Variants in STAT1 observed in about 807,000 individuals in gnomAD.
STAT1 encodes signal transducer and activator of transcription 1-alpha/beta.
STAT1 carries 24 observed loss-of-function variants against 111.7 expected under a neutral mutation model. The observed-to-expected ratio is 0.21, with a 90% CI of 0.16 to 0.30. STAT1 has a LOEUF of 0.30. Among genes scored for constraint, STAT1 ranks in the 10% least tolerant of loss-of-function variants. STAT1 has a pLI of 1.00. For missense variants in STAT1, 351 were observed against 911.9 expected (o/e 0.38, Z 7.92); for synonymous variants, 332 against 326.5 (o/e 1.02, Z -0.18).
rs1693178159 is a variant in STAT1 at position 190,989,803 on chromosome 2, A to ACTC, written c.1038-130_1038-129insGAG. The ACTC allele has an allele frequency of 1.5e-6, 1 of 662,452 alleles. No individual in the cohort carries two copies. The highest frequency in any genetic ancestry group is 2.6e-6 in the Non-Finnish European group (1 of 379,140). 41.0% of individuals were successfully genotyped at this position (662,452 alleles called of 1,614,324 possible). A position where few individuals can be genotyped will look rare whatever the true frequency, so the allele number is the denominator to read the frequency against. On this transcript the variant is annotated intron_variant, in intron 11 of 24. Coordinates refer to ENST00000361099, the MANE Select transcript of STAT1 (RefSeq NM_007315.4). The surrounding 1 kb of genome is among the most constrained non-coding windows in gnomAD (Gnocchi z 5.0). ...GTTTTAGGGTATTACCAACAAAAAA[A>ACTC]CTGACAGTTTTGTAGATCTACTTAA...
At position 191,003,641 on chromosome 2, in the gene STAT1, A is replaced by G. The variant is rs1248592981; in HGVS notation, c.373-2478T>C. Among the ~76,000 whole-genome samples the G allele has an allele frequency of 6.6e-6, 1 of 152,174 alleles. No homozygotes were observed. The highest frequency in any genetic ancestry group is 1.5e-5 in the Non-Finnish European group (1 of 68,040). On this transcript the variant is annotated intron_variant, in intron 5 of 24. Coordinates refer to ENST00000361099, the MANE Select transcript of STAT1 (RefSeq NM_007315.4). This position sits in a 1 kb window ranked among gnomAD's most constrained non-coding sequence, Gnocchi z 4.0. The stretch of plus-strand genomic sequence containing the variant: ...CCCTTCACCTGCTGCTATGACTGTA[A>G]GTTTCCTGAGGCCTCCCCAGAAACT...
chr2:190,978,964 C>G lies in STAT1; in HGVS notation c.1765G>C (p.Ala589Pro). 2 of 1,614,188 alleles carry G rather than the reference C, an allele frequency of 1.2e-6. No homozygotes were observed. Among genetic ancestry groups the G allele is most frequent in the Non-Finnish European group, 1.7e-6 (2 of 1,180,048 alleles). Residue 589 changes from alanine (A) to proline (P), a missense_variant, in exon 21 of 25, where the codon GCC becomes CCC. Transcript: ENST00000361099. This position sits in a 1 kb window ranked among gnomAD's most constrained non-coding sequence, Gnocchi z 6.1. Reference sequence around the variant, plus strand: ...CCCGGCTGCTGGTCCTTCAACAGGGCACGCTCTCGCTCCTTGCTGATGAAG... The same window carrying G: ...CCCGGCTGCTGGTCCTTCAACAGGGGACGCTCTCGCTCCTTGCTGATGAAG... ...MGFISKERER[A>P]LLKDQQPGTF...
At position 190,971,076 on chromosome 2, in the gene STAT1, A is replaced by G. The variant is rs552624118; in HGVS notation, c.2239-359T>C. On this transcript the variant is annotated intron_variant, in intron 24 of 24. Transcript: ENST00000361099. The surrounding 1 kb of genome is among the most constrained non-coding windows in gnomAD (Gnocchi z 4.1). ...AAATGCTGAGCCATATGCCAGAGGG[A>G]GAGAGGAAGGAGAGGGAAATGATAC... Among the ~76,000 whole-genome samples the G allele has an allele frequency of 6.6e-6, 1 of 152,192 alleles. No individual in the cohort carries two copies. The highest frequency in any genetic ancestry group is 1.5e-5 in the Non-Finnish European group (1 of 68,032).
Position 190,971,749 on chromosome 2 carries a change from G to C in STAT1, c.2239-1032C>G, listed in dbSNP as rs1444878221. Reference sequence around the variant, plus strand: ...CAAATTGGAGACGGAGTCTTCCTCTGTTGCCCAGACTGGAGTGCAGTGGCA... The same window carrying C: ...CAAATTGGAGACGGAGTCTTCCTCTCTTGCCCAGACTGGAGTGCAGTGGCA... On this transcript the variant is annotated intron_variant, in intron 24 of 24. Transcript: ENST00000361099. This position sits in a 1 kb window ranked among gnomAD's most constrained non-coding sequence, Gnocchi z 4.1. Among the ~76,000 whole-genome samples the C allele has an allele frequency of 2.0e-5, 3 of 149,754 alleles. No individual in the cohort carries two copies. The East Asian group carries it at 5.8e-4, about 29-fold the overall frequency.
At position 190,998,586 on chromosome 2, in the gene STAT1, C is replaced by T. The variant is rs1294261129; in HGVS notation, c.542-278G>A. ...CTGAGGCAGGAGAACAGCATGAACC[C>T]GGGAGGCGGAGCTTGGAGTGAGCCG... On this transcript the variant is annotated intron_variant, in intron 7 of 24. Coordinates refer to ENST00000361099, the MANE Select transcript of STAT1 (RefSeq NM_007315.4). This position sits in a 1 kb window ranked among gnomAD's most constrained non-coding sequence, Gnocchi z 4.1. 5.9e-5 allele frequency among the ~76,000 whole-genome samples: 9 copies of T among 151,366 alleles called. No homozygotes were observed. Among genetic ancestry groups the T allele is most frequent in the East Asian group, 3.9e-4 (2 of 5,134 alleles).
At chr2:191,001,880 A>G (rs1255581490) in intron 5 of STAT1, among the ~76,000 whole-genome samples, 1 of 152,196 alleles carries the variant, frequency 6.6e-6, no homozygotes, top group African/African-American at 2.4e-5. Flanking sequence ...TAGAGTGGTA[A>G]CCAGTGATCC....
rs148054859 is a variant in STAT1 at position 190,977,151 on chromosome 2, T to A, written c.1874-126A>T. Reference sequence around the variant, plus strand: ...ATAAGAACTAATCACAATCTAAGCATTATAACATATACAGTAGACTGCTTT... The same window carrying A: ...ATAAGAACTAATCACAATCTAAGCAATATAACATATACAGTAGACTGCTTT... On this transcript the variant is annotated intron_variant, in intron 21 of 24. Coordinates refer to ENST00000361099, the MANE Select transcript of STAT1 (RefSeq NM_007315.4). The surrounding 1 kb of genome is among the most constrained non-coding windows in gnomAD (Gnocchi z 4.7). 1 of 878,786 alleles carries A rather than the reference T, an allele frequency of 1.1e-6. No individual in the cohort carries two copies. The highest frequency in any genetic ancestry group is 1.7e-5 in the African/African-American group (1 of 60,038). The allele number at this position is 878,786 out of a possible 1,614,324, so 54.4% of individuals were successfully genotyped here. A position where few individuals can be genotyped will look rare whatever the true frequency, so the allele number is the denominator to read the frequency against.
chr2:191,004,196 A>G lies in STAT1; in HGVS notation c.373-3033T>C, dbSNP rs1694503617. 6.6e-6 allele frequency among the ~76,000 whole-genome samples: 1 copy of G among 151,980 alleles called. No homozygotes were observed. The highest frequency in any genetic ancestry group is 6.5e-5 in the Admixed American group (1 of 15,274). Reference sequence around the variant, plus strand: ...AGCAGATGCTTGGCTGCTCCTGTACACTTTAGTACTGATACCACTTTCACA... The same window carrying G: ...AGCAGATGCTTGGCTGCTCCTGTACGCTTTAGTACTGATACCACTTTCACA... On this transcript the variant is annotated intron_variant, in intron 5 of 24. Transcript: ENST00000361099. This position sits in a 1 kb window ranked among gnomAD's most constrained non-coding sequence, Gnocchi z 5.0.
chr2:190,980,527 C>A lies in STAT1; in HGVS notation c.1632+93G>T. On this transcript the variant is annotated intron_variant, in intron 19 of 24. Transcript: ENST00000361099. This position sits in a 1 kb window ranked among gnomAD's most constrained non-coding sequence, Gnocchi z 6.1. ...CCAGAGAAGAACACGCCAAAATAAG[C>A]AAACAGTTAAGTAACTATCACAGCA... 2 of 1,445,022 alleles carry A rather than the reference C, an allele frequency of 1.4e-6. No homozygotes were observed. Among genetic ancestry groups the A allele is most frequent in the South Asian group, 1.1e-5 (1 of 87,538 alleles). The allele number at this position is 1,445,022 out of a possible 1,614,324, so 89.5% of individuals were successfully genotyped here.
At chr2:190,994,465 C>T (rs1208479277) in intron 10 of STAT1, among the ~76,000 whole-genome samples, 1 of 151,818 alleles carries the variant, frequency 6.6e-6, no homozygotes, top group Non-Finnish European at 1.5e-5. Flanking sequence ...GAGCCTGAGA[C>T]ATGAGGAGGG....
rs977693116 is a variant in STAT1 at position 190,995,839 on chromosome 2, T to C, written c.786-620A>G. On this transcript the variant is annotated intron_variant, in intron 9 of 24. Coordinates refer to ENST00000361099, the MANE Select transcript of STAT1 (RefSeq NM_007315.4). The surrounding 1 kb of genome is among the most constrained non-coding windows in gnomAD (Gnocchi z 4.2). ...AACTTCTACACACCACTGAGGCCTA[T>C]GTGAGGAGAGATGGGTGGAGGCAGG... Among the ~76,000 whole-genome samples, 1 of 152,106 alleles carries C rather than the reference T, an allele frequency of 6.6e-6. No homozygotes were observed. Among genetic ancestry groups the C allele is most frequent in the Non-Finnish European group, 1.5e-5 (1 of 67,996 alleles).
rs1694102995 is a variant in STAT1, at chr2:190,999,536, G to A, written c.541+90C>T. The A allele has an allele frequency of 5.7e-6, 5 of 884,888 alleles. No individual in the cohort carries two copies. The highest frequency in any genetic ancestry group is 4.9e-5 in the East Asian group (2 of 40,574). The allele number at this position is 884,888 out of a possible 1,614,324, so 54.8% of individuals were successfully genotyped here. On this transcript the variant is annotated intron_variant, in intron 7 of 24. Coordinates refer to ENST00000361099, the MANE Select transcript of STAT1 (RefSeq NM_007315.4). The surrounding 1 kb of genome is among the most constrained non-coding windows in gnomAD (Gnocchi z 4.1). ...AAGAATTCAGAGTCATAAAATACTCGGCAAATAGAAAGGAGTAATCATCTT... is the reference window on the plus strand; with the variant it reads ...AAGAATTCAGAGTCATAAAATACTCAGCAAATAGAAAGGAGTAATCATCTT...
Position 190,984,630 on chromosome 2 carries a change from A to G in STAT1, c.1264-237T>C, listed in dbSNP as rs1692649789. Among the ~76,000 whole-genome samples the G allele has an allele frequency of 2.0e-5, 3 of 152,194 alleles. No individual in the cohort carries two copies. The highest frequency in any genetic ancestry group is 4.8e-5 in the African/African-American group (2 of 41,452). ...TATAGATTCAGAGCAATGATTGTCA[A>G]TGGGGAAAGAGCAACTAATGGCTTT... On this transcript the variant is annotated intron_variant, in intron 15 of 24. Transcript: ENST00000361099. This position sits in a 1 kb window ranked among gnomAD's most constrained non-coding sequence, Gnocchi z 5.2.
chr2:190,970,647 G>T lies in STAT1; in HGVS notation c.*56C>A. On this transcript the variant is annotated 3_prime_UTR_variant, in exon 25 of 25. Coordinates refer to ENST00000361099, the MANE Select transcript of STAT1 (RefSeq NM_007315.4). This position sits in a 1 kb window ranked among gnomAD's most constrained non-coding sequence, Gnocchi z 5.4. ...ATGTGAAGGAACAGAGTAGCAGGAG[G>T]GAATCACAGATGAGAAGGAAAACTG... 1 of 1,573,480 alleles carries T rather than the reference G, an allele frequency of 6.4e-7. No homozygotes were observed. The highest frequency in any genetic ancestry group is 2.2e-5 in the East Asian group (1 of 44,648).
At chr2:191,013,013 G>T (rs566063092) in intron 2 of STAT1, among the ~76,000 whole-genome samples, 5 of 152,316 alleles carry the variant, frequency 3.3e-5, no homozygotes, top group African/African-American at 1.2e-4. Flanking sequence ...AGTCCCCGGC[G>T]GGGGAAGGTG....
At position 191,001,069 on chromosome 2, in the gene STAT1, C is replaced by T; in HGVS notation, c.462+5G>A. On this transcript the variant is annotated splice_donor_5th_base_variant and intron_variant, in intron 6 of 24. Transcript: ENST00000361099. ...AATAAATGCATGTGTTTACTCAATACTCACCATAACCTTGTCCTTCACATT... is the reference window on the plus strand; with the variant it reads ...AATAAATGCATGTGTTTACTCAATATTCACCATAACCTTGTCCTTCACATT... 1.2e-6 allele frequency: 2 copies of T among 1,607,646 alleles called. No homozygotes were observed. Among genetic ancestry groups the T allele is most frequent in the Non-Finnish European group, 1.7e-6 (2 of 1,174,076 alleles).
rs773084786 is a variant in STAT1, at chr2:190,984,313, G to A, written c.1344C>T (p.Leu448=). 27 of 1,613,074 alleles carry A rather than the reference G, an allele frequency of 1.7e-5. No individual in the cohort carries two copies. The highest frequency in any genetic ancestry group is 2.2e-5 in the South Asian group (2 of 91,058). ...QLCQPGLVID[L]ETTSLPVVVI... The stretch of plus-strand genomic sequence containing the variant: ...CTCGGGACCATAAAAGTCTTACCTC[G>A]AGGTCAATTACCAAACCAGGCTGGC... Residue 448 remains leucine, a synonymous_variant, in exon 16 of 25, where the codon CTC becomes CTT. Coordinates refer to ENST00000361099, the MANE Select transcript of STAT1 (RefSeq NM_007315.4). This position sits in a 1 kb window ranked among gnomAD's most constrained non-coding sequence, Gnocchi z 5.2.
Position 191,012,240 on chromosome 2 carries a change from T to C in STAT1, c.-2+1285A>G, listed in dbSNP as rs921005705. Among the ~76,000 whole-genome samples, 1 of 151,590 alleles carries C rather than the reference T, an allele frequency of 6.6e-6. No individual in the cohort carries two copies. The highest frequency in any genetic ancestry group is 2.4e-5 in the African/African-American group (1 of 41,282). On this transcript the variant is annotated intron_variant, in intron 2 of 24. Coordinates refer to ENST00000361099, the MANE Select transcript of STAT1 (RefSeq NM_007315.4). This position sits in a 1 kb window ranked among gnomAD's most constrained non-coding sequence, Gnocchi z 4.0. ...CCAGCCTGGGCAACATGGTGAAACC[T>C]TGTCTCTACTAAAATACAAAAAAAA...
rs766423083 is a variant in STAT1 at position 190,996,823 on chromosome 2, T to C, written c.785+1033A>G. Among the ~76,000 whole-genome samples the C allele has an allele frequency of 4.6e-5, 7 of 152,212 alleles. No homozygotes were observed. The highest frequency in any genetic ancestry group is 1.3e-4 in the Admixed American group (2 of 15,280). On this transcript the variant is annotated intron_variant, in intron 9 of 24. Coordinates refer to ENST00000361099, the MANE Select transcript of STAT1 (RefSeq NM_007315.4). This position sits in a 1 kb window ranked among gnomAD's most constrained non-coding sequence, Gnocchi z 4.5. ...ACCTTCCCTCATGTTCACTCTGTGA[T>C]TCCAAGTTCAGCTCCTGTTGCCCCT...
Sources: allele counts gnomAD v4.1 joint callset (sites outside exome capture counted in the v4.1 genomes callset), GRCh38; gene constraint gnomAD v4.1.1; non-coding constraint Gnocchi (gnomAD v3.1); transcripts MANE v1.5; gene names NCBI Gene and HGNC (gene_info 2026-07-23, HGNC 2026-07-21).